Variants in ZZZ3 observed in about 807,000 individuals in gnomAD.
ZZZ3 encodes the protein zinc finger ZZ-type containing 3.
ZZZ3 carries 22 observed loss-of-function variants against 95.2 expected under a neutral mutation model. The ratio of observed to expected loss-of-function variants is 0.23; its 90% CI spans 0.17 to 0.33. The LOEUF (loss-of-function observed/expected upper bound fraction) is 0.33, where lower values mean the gene tolerates loss of function less well. ZZZ3 is among the 10% of genes least tolerant of loss of function. The pLI is 1.00. For synonymous variants in ZZZ3, 335 were observed against 358.9 expected, an observed-to-expected ratio of 0.93 and a Z score of 0.75; for missense variants, 885 against 1,066.5, an observed-to-expected ratio of 0.83 and a Z score of 2.37.
intron 13 of ZZZ3, among the ~76,000 whole-genome samples, chr1:77,566,528 G>T (rs1319841117): frequency 2.0e-5 from 3 of 152,166 alleles, no homozygotes; most frequent in Non-Finnish European, 4.4e-5. Context: ...ACCACTGTAT[G>T]ATGACTATGG....
intron 1 of ZZZ3, among the ~76,000 whole-genome samples, chr1:77,669,825 A>G (rs867155302): frequency 1.3e-5 from 2 of 152,090 alleles, no homozygotes; most frequent in Non-Finnish European, 2.9e-5. Context: ...TATTACTAAG[A>G]ACTTCTAAAA....
In ZZZ3 at chr1:77,564,699, G is replaced by C. The variant is rs1298666304; in HGVS notation, c.*941C>G. ...CTGTGCAGACTAAATTTAATCACTT[G>C]TTTAAATAGTAATAAAAATACAATC... is the stretch of plus-strand genomic sequence containing the variant. On this transcript the variant is annotated 3_prime_UTR_variant, in exon 15 of 15. Coordinates refer to ENST00000370801, the MANE Select transcript of ZZZ3 (RefSeq NM_015534.6). 6.6e-6 allele frequency: 1 copy of C among 152,540 alleles called. No individual in the cohort carries two copies. The highest frequency in any genetic ancestry group is 2.4e-5 in the African/African-American group (1 of 41,432). 9.4% of individuals were successfully genotyped at this position (152,540 alleles called of 1,614,324 possible). A position where few individuals can be genotyped will look rare whatever the true frequency, so the allele number is the denominator to read the frequency against.
chr1:77,573,870 G>A (rs562279258), intron 12 of ZZZ3, among the ~76,000 whole-genome samples: 1 of 151,894 alleles, frequency 6.6e-6, no homozygotes, highest in Admixed American at 6.6e-5. Context: ...TGATCTTTAT[G>A]TCCTTTTAAG....
rs1396828429 is a variant in ZZZ3, at chr1:77,633,304, G to A, written c.51C>T (p.Asn17=). 13 of 1,613,650 alleles carry A rather than the reference G, an allele frequency of 8.1e-6. No homozygotes were observed. Among genetic ancestry groups the A allele is most frequent in the Non-Finnish European group, 1.1e-5 (13 of 1,179,808 alleles). The change falls in exon 5 of 15, where the codon AAC becomes AAT. Residue 17 remains asparagine (N), a synonymous_variant. Transcript: ENST00000370801. ...TACCACAAAAAGATTCATCCAAGCC[G>A]TTTAACCCCACTGTTGATCTTGTAA... ...TRVTRSTVGL[N]GLDESFCGRT...
chr1:77,592,123 G>A (rs563546868), intron 5 of ZZZ3, among the ~76,000 whole-genome samples: 1 of 152,168 alleles, frequency 6.6e-6, no homozygotes, highest in Admixed American at 6.5e-5. Flanking sequence ...TATATTAGCT[G>A]GGTGGTCCCC....
At chr1:77,672,349 T>C (rs1197700282) in intron 1 of ZZZ3, among the ~76,000 whole-genome samples, 1 of 152,172 alleles carries the variant, frequency 6.6e-6, no homozygotes, top group Admixed American at 6.6e-5. Context: ...ATCTCCAGAG[T>C]TGGAGAAAAT....
chr1:77,680,748 A>G (rs1382813071), intron 1 of ZZZ3, among the ~76,000 whole-genome samples: 3 of 152,198 alleles, frequency 2.0e-5, no homozygotes, highest in Non-Finnish European at 1.5e-5. Flanking sequence ...ATAAACTTTT[A>G]AAACGTCTGA....
chr1:77,590,533 C>G (rs559704654), intron 5 of ZZZ3, among the ~76,000 whole-genome samples: 7 of 152,166 alleles, frequency 4.6e-5, no homozygotes, highest in Admixed American at 1.3e-4. Context: ...ATCCACCAAG[C>G]CTAAAATATT....
At chr1:77,675,093 T>A (rs964959938) in intron 1 of ZZZ3, among the ~76,000 whole-genome samples, 1 of 151,928 alleles carries the variant, frequency 6.6e-6, no homozygotes, top group Non-Finnish European at 1.5e-5. Context: ...CAATAATCTA[T>A]GGAAATAAAA....
At chr1:77,664,090 A>C (rs1208118896) in intron 1 of ZZZ3, among the ~76,000 whole-genome samples, 1 of 151,964 alleles carries the variant, frequency 6.6e-6, no homozygotes, top group African/African-American at 2.4e-5. Context: ...GTCTTGGAAA[A>C]AAAAAAAAAC....
intron 5 of ZZZ3, among the ~76,000 whole-genome samples, chr1:77,602,778 G>A (rs1664860151): frequency 6.6e-6 from 1 of 151,676 alleles, no homozygotes; most frequent in South Asian, 2.1e-4. Flanking sequence ...GCTAATTTTT[G>A]TATTTTTAGT....
At chr1:77,649,747 T>G (rs959292991) in intron 1 of ZZZ3, among the ~76,000 whole-genome samples, 2 of 151,730 alleles carry the variant, frequency 1.3e-5, no homozygotes, top group East Asian at 3.9e-4. Flanking sequence ...CCGGGTATGG[T>G]GGCGCATGTC....
chr1:77,647,525 GAAA>G (rs1206025084), intron 1 of ZZZ3, among the ~76,000 whole-genome samples: 1 of 118,196 alleles, frequency 8.5e-6, no homozygotes, highest in Non-Finnish European at 1.8e-5. Context: ...TCTCAGGAAG[GAAA>G]AAAAAAAAAA....
At chr1:77,623,143 A>T (rs1472906391) in intron 5 of ZZZ3, among the ~76,000 whole-genome samples, 1 of 152,202 alleles carries the variant, frequency 6.6e-6, no homozygotes, top group African/African-American at 2.4e-5. Flanking sequence ...GAAGGCAAAC[A>T]GATGAAATAA....
chr1:77,618,022 T>G (rs1024866332), intron 5 of ZZZ3, among the ~76,000 whole-genome samples: 1 of 152,088 alleles, frequency 6.6e-6, no homozygotes, highest in African/African-American at 2.4e-5. Context: ...ACCACCAAAC[T>G]GTTATCCACA....
intron 5 of ZZZ3, among the ~76,000 whole-genome samples, chr1:77,585,917 T>C (rs1663039075): frequency 6.6e-6 from 1 of 152,220 alleles, no homozygotes. Context: ...CCTTGTTAAC[T>C]AATCCTTGAT....
intron 5 of ZZZ3, among the ~76,000 whole-genome samples, chr1:77,604,323 C>A (rs912561111): frequency 6.6e-6 from 1 of 152,184 alleles, no homozygotes; most frequent in Non-Finnish European, 1.5e-5. Context: ...AACCACTACA[C>A]TGTATCATTC....
chr1:77,565,883 T>A, intron 14 of ZZZ3, 99 bp from the exon 15 acceptor site: 1 of 1,301,438 alleles, frequency 7.7e-7, no homozygotes, highest in Non-Finnish European at 1.0e-6. Flanking sequence ...TTAAATCCAT[T>A]AATCTATCAA....
At chr1:77,657,225 AC>A in intron 1 of ZZZ3, among the ~76,000 whole-genome samples, 1 of 152,208 alleles carries the variant, frequency 6.6e-6, no homozygotes, top group East Asian at 1.9e-4. Flanking sequence ...CAAGTGATCC[AC>A]CCACCTCGGC....
Sources: gnomAD v4.1 joint callset for allele counts (sites outside exome capture counted in the v4.1 genomes callset) on GRCh38, gnomAD v4.1.1 for gene constraint, MANE v1.5 for transcripts, NCBI Gene and HGNC (gene_info 2026-07-23, HGNC 2026-07-21) for gene names.